CLASP1: variants seen among roughly 807,000 people sequenced by gnomAD.
CLASP1 encodes CLIP-associating protein 1.
CLASP1 carries 38 observed loss-of-function variants against 192.3 expected under a neutral mutation model. The observed-to-expected ratio is 0.20, with a 90% CI of 0.15 to 0.26. CLASP1 has a LOEUF of 0.26. Ranked by LOEUF, CLASP1 falls within the 10% of genes least tolerant of loss-of-function variation. CLASP1 has a pLI of 1.00. For synonymous variants in CLASP1, 691 were observed against 712.8 expected (o/e 0.97, Z 0.49); for missense variants, 1,433 against 1,932.5 (o/e 0.74, Z 4.85).
chr2:121,407,214 CAAAA>C (rs34241757), intron 25 of CLASP1, among the ~76,000 whole-genome samples: 5 of 104,718 alleles, frequency 4.8e-5, no homozygotes, highest in African/African-American at 1.2e-4. Flanking sequence ...GATTCCATCT[CAAAA>C]AAAAAAAAAA....
At chr2:121,590,722 C>T (rs1234970986) in intron 2 of CLASP1, among the ~76,000 whole-genome samples, 2 of 152,052 alleles carry the variant, frequency 1.3e-5, no homozygotes, top group African/African-American at 4.8e-5. Context: ...AAGCAGCCTC[C>T]AGAAATGTGT....
intron 2 of CLASP1, among the ~76,000 whole-genome samples, chr2:121,562,292 G>A (rs959572949): frequency 3.9e-5 from 6 of 152,144 alleles, no homozygotes; most frequent in African/African-American, 1.2e-4. Flanking sequence ...TAACCTGTGC[G>A]GAACAAACAT....
intron 2 of CLASP1, among the ~76,000 whole-genome samples, chr2:121,593,785 T>G (rs973654183): frequency 7.3e-5 from 11 of 150,664 alleles, no homozygotes; most frequent in Middle Eastern, 3.2e-3. Context: ...CCGAGGTGGG[T>G]GGATCACCTG....
At chr2:121,418,755 GAGA>G (rs755393104) in intron 22 of CLASP1, 26 bp from the exon 23 acceptor site, 5 of 1,499,246 alleles carry the variant, frequency 3.3e-6, no homozygotes, top group African/African-American at 1.4e-5. Context: ...AAGGGTTTCA[GAGA>G]AGGTGAACAA....
At chr2:121,470,201 T>TAGAACA (rs2090425498) in intron 8 of CLASP1, 1 of 551,244 alleles carries the variant, frequency 1.8e-6, no homozygotes, top group Non-Finnish European at 3.4e-6. Context: ...TTTTGAAAAA[T>TAGAACA]AGAACAAATA....
chr2:121,367,176 C>T (rs935911494), intron 35 of CLASP1, among the ~76,000 whole-genome samples: 19 of 152,268 alleles, frequency 1.2e-4, no homozygotes, highest in Middle Eastern at 3.4e-3. Context: ...CTCCACAGCT[C>T]GGGGAGCTGG....
At chr2:121,374,169 A>G (rs1414270532) in intron 34 of CLASP1, among the ~76,000 whole-genome samples, 1 of 152,220 alleles carries the variant, frequency 6.6e-6, no homozygotes, top group Non-Finnish European at 1.5e-5. Context: ...CCTGCATCCT[A>G]GCTGCTCCAG....
chr2:121,601,084 A>G (rs1663933040), intron 2 of CLASP1, among the ~76,000 whole-genome samples: 1 of 152,186 alleles, frequency 6.6e-6, no homozygotes, highest in East Asian at 1.9e-4. Flanking sequence ...TTGAGACACT[A>G]GATTTCCTTG....
chr2:121,573,971 G>C (rs2060217698), intron 2 of CLASP1, among the ~76,000 whole-genome samples: 1 of 152,154 alleles, frequency 6.6e-6, no homozygotes, highest in African/African-American at 2.4e-5. Flanking sequence ...GGTGCCTGGG[G>C]GATTCCGCTG....
At chr2:121,644,389 C>A (rs1279876257) in intron 1 of CLASP1, among the ~76,000 whole-genome samples, 3 of 151,740 alleles carry the variant, frequency 2.0e-5, no homozygotes, top group African/African-American at 7.3e-5. Context: ...GTGGGTCACA[C>A]CTGCAATCCC....
chr2:121,442,809 T>C (rs2083580086), intron 19 of CLASP1, among the ~76,000 whole-genome samples: 2 of 152,128 alleles, frequency 1.3e-5, no homozygotes, highest in Admixed American at 1.3e-4. Flanking sequence ...CATATAACTG[T>C]TTTAAAATCA....
intron 2 of CLASP1, among the ~76,000 whole-genome samples, chr2:121,596,278 T>C (rs1299712081): frequency 6.6e-6 from 1 of 152,084 alleles, no homozygotes; most frequent in Non-Finnish European, 1.5e-5. Flanking sequence ...GATTAAACCA[T>C]GGAAATTCAC....
intron 2 of CLASP1, among the ~76,000 whole-genome samples, chr2:121,584,416 T>A (rs888669567): frequency 5.3e-5 from 8 of 152,190 alleles, no homozygotes; most frequent in Non-Finnish European, 8.8e-5. Flanking sequence ...AATAGCTGCT[T>A]ACATGGCGAC....
intron 22 of CLASP1, among the ~76,000 whole-genome samples, chr2:121,421,646 G>A (rs2079523829): frequency 1.3e-5 from 2 of 152,118 alleles, no homozygotes; most frequent in Non-Finnish European, 2.9e-5. Flanking sequence ...AGGTTTAAGT[G>A]CTTCTCCTTC....
At chr2:121,396,656 G>GT (rs2075328573) in intron 30 of CLASP1, among the ~76,000 whole-genome samples, 1 of 152,200 alleles carries the variant, frequency 6.6e-6, no homozygotes, top group Non-Finnish European at 1.5e-5. Context: ...CAATACTTAA[G>GT]TAACATTCCA....
At position 121,516,048 on chromosome 2, in the gene CLASP1, G is replaced by T. The variant is rs565932129; in HGVS notation, c.547-286C>A. 3.3e-5 allele frequency among the ~76,000 whole-genome samples: 5 copies of T among 152,140 alleles called. No homozygotes were observed. The South Asian group carries it at 1.0e-3, about 32-fold the overall frequency. ...TCTTTAAGGTAATTTTGGAAAACTG[G>T]AATTTTCAGACCATCTTTCCAAATT... On this transcript the variant is annotated intron_variant, in intron 6 of 39. Transcript: ENST00000263710.
chr2:121,361,983 A>T (rs1374990657), intron 37 of CLASP1, among the ~76,000 whole-genome samples: 1 of 152,224 alleles, frequency 6.6e-6, no homozygotes, highest in Admixed American at 6.5e-5. Context: ...ATTGTGGTGG[A>T]GATTTGAAGA....
chr2:121,416,172 A>T (rs1356245394), intron 23 of CLASP1, among the ~76,000 whole-genome samples: 1 of 152,030 alleles, frequency 6.6e-6, no homozygotes, highest in Admixed American at 6.6e-5. Flanking sequence ...AGAATATTCT[A>T]AAAAAAATCT....
chr2:121,480,942 G>A (rs2092551456), intron 8 of CLASP1, among the ~76,000 whole-genome samples: 1 of 152,376 alleles, frequency 6.6e-6, no homozygotes, highest in East Asian at 1.9e-4. Flanking sequence ...GTCAGGGGCA[G>A]TGAGAACCGA....
Sources: gnomAD v4.1 joint callset for allele counts (sites outside exome capture counted in the v4.1 genomes callset) on GRCh38, gnomAD v4.1.1 for gene constraint, MANE v1.5 for transcripts, NCBI Gene and HGNC (gene_info 2026-07-23, HGNC 2026-07-21) for gene names.